The following DSCAM variants were observed in gnomAD, a reference collection of about 807,000 sequenced individuals.
DSCAM encodes cell adhesion molecule DSCAM.
DSCAM carries 47 observed loss-of-function variants against 217.7 expected under a neutral mutation model. The ratio of observed to expected loss-of-function variants is 0.22; its 90% confidence interval spans 0.17 to 0.28. The LOEUF is 0.28. Among genes scored for constraint, DSCAM ranks in the 10% least tolerant of loss-of-function variants. The pLI is 1.00. For synonymous variants in DSCAM, 1,056 were observed against 1,015.3 expected (o/e 1.04, Z -0.76); for missense variants, 2,080 against 2,618.3 (o/e 0.79, Z 4.49).
chr21:40,361,924 T>A (rs1274985592), intron 4 of DSCAM, among the ~76,000 whole-genome samples: 1 of 152,186 alleles, frequency 6.6e-6, no homozygotes, highest in Non-Finnish European at 1.5e-5. Context: ...TCCCATGTAT[T>A]TGACTTGGCT....
intron 16 of DSCAM, 60 bp downstream of exon 16, chr21:40,167,158 G>A (rs1192200392): frequency 6.7e-7 from 1 of 1,491,598 alleles, no homozygotes; most frequent in Non-Finnish European, 9.3e-7. Flanking sequence ...ACACTGAACA[G>A]GAGTGAAGGG....
chr21:40,628,418 T>G (rs945327180), intron 3 of DSCAM, among the ~76,000 whole-genome samples: 5 of 152,180 alleles, frequency 3.3e-5, no homozygotes, highest in African/African-American at 1.2e-4. Flanking sequence ...ACAGTAGGGT[T>G]GTCATCAGAA....
intron 10 of DSCAM, among the ~76,000 whole-genome samples, chr21:40,278,470 C>T (rs1414471031): frequency 3.8e-4 from 58 of 152,130 alleles, no homozygotes; most frequent in Admixed American, 3.6e-3. Flanking sequence ...TGACAGCTCA[C>T]ACCTGTAATC....
chr21:40,459,494 G>T lies in DSCAM; in HGVS notation c.509-90249C>A, dbSNP rs150168450. The stretch of plus-strand genomic sequence containing the variant: ...AGTAAAAAGTAAATAGGTTGCCTAA[G>T]TATGTACAAAGAAGCATGCTTTCAG... On this transcript the variant is annotated intron_variant, in intron 3 of 32. Transcript: ENST00000400454. 2.3e-3 allele frequency among the ~76,000 whole-genome samples: 357 copies of T among 152,252 alleles called. 2 individuals carry two copies. The highest frequency in any genetic ancestry group is 8.3e-3 in the African/African-American group (344 of 41,558).
intron 32 of DSCAM, among the ~76,000 whole-genome samples, chr21:40,040,559 C>T (rs2088727705): frequency 6.7e-6 from 1 of 148,464 alleles, no homozygotes; most frequent in Admixed American, 6.8e-5. Flanking sequence ...CCTGCTAGGA[C>T]TTCAGTGGTC....
chr21:40,047,170 G>A (rs1489408755), intron 30 of DSCAM, among the ~76,000 whole-genome samples: 1 of 152,050 alleles, frequency 6.6e-6, no homozygotes, highest in African/African-American at 2.4e-5. Flanking sequence ...GTAGAATACT[G>A]GGGTATTTGA....
intron 20 of DSCAM, among the ~76,000 whole-genome samples, chr21:40,098,916 A>G (rs914915836): frequency 6.6e-6 from 1 of 152,150 alleles, no homozygotes; most frequent in African/African-American, 2.4e-5. Flanking sequence ...TTAGAGTATT[A>G]TGGGAAAATT....
At chr21:40,671,577 T>C (rs2090274961) in intron 3 of DSCAM, among the ~76,000 whole-genome samples, 2 of 151,048 alleles carry the variant, frequency 1.3e-5, no homozygotes. Flanking sequence ...TAGTCCCAGC[T>C]ACTTGGGAGG....
intron 1 of DSCAM, among the ~76,000 whole-genome samples, chr21:40,803,796 AC>A (rs1355257184): frequency 6.6e-6 from 1 of 152,084 alleles, no homozygotes; most frequent in African/African-American, 2.4e-5. Flanking sequence ...ACACCTTTAT[AC>A]CTGTGTCTGG....
chr21:40,109,319 G>A lies in DSCAM; in HGVS notation c.3696+14876C>T, dbSNP rs76719848. On this transcript the variant is annotated intron_variant, in intron 20 of 32. Coordinates refer to ENST00000400454, the MANE Select transcript of DSCAM (RefSeq NM_001389.5). ...TTTACAAGAAAAAAATAAACAATCC[G>A]ATAAAACGTGGGCAGAGGACATGAA... Among the ~76,000 whole-genome samples the A allele has an allele frequency of 5.5e-3, 834 of 152,222 alleles. 27 individuals are homozygous for A. Among genetic ancestry groups the A allele is most frequent in the East Asian group, 0.036 (186 of 5,176 alleles).
At chr21:40,360,803 G>T (rs759628246) in intron 4 of DSCAM, among the ~76,000 whole-genome samples, 28 of 152,132 alleles carry the variant, frequency 1.8e-4, no homozygotes, top group Non-Finnish European at 3.8e-4. Context: ...TTGGAAGAAT[G>T]ATTTATTTTC....
intron 3 of DSCAM, among the ~76,000 whole-genome samples, chr21:40,489,753 C>T (rs1378337256): frequency 1.0e-4 from 11 of 104,770 alleles, no homozygotes; most frequent in Non-Finnish European, 1.7e-4. Context: ...CCAGCCTGGG[C>T]GACAGGGCGA....
chr21:40,701,380 T>G (rs1284359147), intron 2 of DSCAM, among the ~76,000 whole-genome samples: 2 of 152,166 alleles, frequency 1.3e-5, no homozygotes, highest in Non-Finnish European at 2.9e-5. Context: ...AAAAGAACTT[T>G]TAGTTTCATA....
At chr21:40,410,628 G>A (rs2075314371) in intron 3 of DSCAM, among the ~76,000 whole-genome samples, 1 of 150,900 alleles carries the variant, frequency 6.6e-6, no homozygotes, top group Non-Finnish European at 1.5e-5. Flanking sequence ...AATATCTAAA[G>A]GGGCCAGGGT....
intron 3 of DSCAM, among the ~76,000 whole-genome samples, chr21:40,669,034 T>C (rs1225600531): frequency 6.6e-6 from 1 of 152,182 alleles, no homozygotes; most frequent in Non-Finnish European, 1.5e-5. Flanking sequence ...GGATTGCGTA[T>C]TTCTCTTATT....
intron 1 of DSCAM, among the ~76,000 whole-genome samples, chr21:40,821,153 C>A (rs998473001): frequency 5.4e-5 from 4 of 73,976 alleles, no homozygotes; most frequent in African/African-American, 2.0e-4. Context: ...TATATATACA[C>A]ACTCTAATTT....
At chr21:40,759,786 T>G (rs540953343) in intron 1 of DSCAM, among the ~76,000 whole-genome samples, 1 of 152,112 alleles carries the variant, frequency 6.6e-6, no homozygotes, top group South Asian at 2.1e-4. Context: ...CAGCCTGGGG[T>G]GCCAGTCTTT....
intron 3 of DSCAM, among the ~76,000 whole-genome samples, chr21:40,523,456 A>G (rs2076375754): frequency 6.6e-6 from 1 of 152,150 alleles, no homozygotes; most frequent in African/African-American, 2.4e-5. Flanking sequence ...ACACCGACAG[A>G]AGCCAGCAGG....
intron 11 of DSCAM, among the ~76,000 whole-genome samples, chr21:40,236,854 A>G (rs551944329): frequency 1.3e-3 from 195 of 152,314 alleles, no homozygotes; most frequent in African/African-American, 4.5e-3. Flanking sequence ...GGAGGCTGCC[A>G]ATGTCACCAG....
Sources: allele counts gnomAD v4.1 joint callset (sites outside exome capture counted in the v4.1 genomes callset), GRCh38; gene constraint gnomAD v4.1.1; transcripts MANE v1.5; gene names NCBI Gene and HGNC (gene_info 2026-07-23, HGNC 2026-07-21).